Variants in PLEKHA7 observed in about 807,000 individuals in gnomAD.
PLEKHA7 encodes pleckstrin homology domain containing A7, also known as pleckstrin homology domain-containing family A member 7.
A neutral mutation model predicts 170.0 loss-of-function variants in PLEKHA7; 104 were observed. The ratio of observed to expected loss-of-function variants is 0.61; its 90% CI spans 0.52 to 0.72. The LOEUF (loss-of-function observed/expected upper bound fraction) is 0.72. Among genes scored for constraint, PLEKHA7 ranks in the 30% least tolerant of loss-of-function variants. The probability of loss-of-function intolerance (pLI) is 0.00; values close to 1 mark genes in which losing one functional copy is unlikely to be tolerated. For missense variants in PLEKHA7, 1,615 were observed against 1,671.7 expected (o/e 0.97, Z 0.59); for synonymous variants, 648 against 660.8 (o/e 0.98, Z 0.30).
intron 13 of PLEKHA7, chr11:16,803,505 G>A (rs1250140825): frequency 1.8e-6 from 1 of 561,826 alleles, no homozygotes; most frequent in Non-Finnish European, 3.2e-6. Flanking sequence ...GATGATTCTA[G>A]TAATGCTGGT....
At chr11:17,002,930 T>A (rs1470982235) in intron 3 of PLEKHA7, among the ~76,000 whole-genome samples, 3 of 147,968 alleles carry the variant, frequency 2.0e-5, no homozygotes, top group Non-Finnish European at 3.0e-5. Flanking sequence ...TAAGAGCAAA[T>A]AACCTCAGTG....
At chr11:16,856,433 T>C (rs1159070686) in intron 4 of PLEKHA7, among the ~76,000 whole-genome samples, 3 of 152,152 alleles carry the variant, frequency 2.0e-5, no homozygotes, top group African/African-American at 4.8e-5. Flanking sequence ...TCTCCCAAAA[T>C]AGACTACTCA....
At chr11:16,923,236 A>C (rs952837292) in intron 3 of PLEKHA7, among the ~76,000 whole-genome samples, 4 of 152,212 alleles carry the variant, frequency 2.6e-5, no homozygotes, top group African/African-American at 9.6e-5. Flanking sequence ...GAGACGTTAG[A>C]CGGCTGGCTT....
At chr11:16,788,095 G>A (rs1590117452) in intron 23 of PLEKHA7, 1 of 152,504 alleles carries the variant, frequency 6.6e-6, no homozygotes, top group Non-Finnish European at 1.5e-5. Flanking sequence ...CTGTCCAGGT[G>A]TAAAGCATGG....
intron 3 of PLEKHA7, among the ~76,000 whole-genome samples, chr11:16,988,787 C>T (rs1258692050): frequency 1.3e-5 from 2 of 152,218 alleles, no homozygotes; most frequent in African/African-American, 4.8e-5. Context: ...GAACTCACTA[C>T]ATCCCAAATA....
chr11:17,008,740 G>A lies in PLEKHA7; in HGVS notation c.221+5249C>T, dbSNP rs1468694259. Among the ~76,000 whole-genome samples, 6 of 152,254 alleles carry A rather than the reference G, an allele frequency of 3.9e-5. No individual in the cohort carries two copies. In the East Asian group the frequency reaches 1.2e-3, roughly 29 times the overall value. On this transcript the variant is annotated intron_variant, in intron 3 of 26. Transcript: ENST00000531066. The stretch of plus-strand genomic sequence containing the variant: ...GCCTTGGCACAGGCAAGGTGGCTGA[G>A]CCCCTCTTCTCTGCCATCTCCTCAT...
At chr11:16,865,599 A>C (rs1293323322) in intron 4 of PLEKHA7, among the ~76,000 whole-genome samples, 1 of 27,662 alleles carries the variant, frequency 3.6e-5, no homozygotes, top group African/African-American at 6.1e-5. Flanking sequence ...TGGTGGGCTG[A>C]GGCAGGAGAA....
intron 3 of PLEKHA7, among the ~76,000 whole-genome samples, chr11:16,882,872 A>T (rs1855811601): frequency 2.2e-5 from 1 of 45,996 alleles, no homozygotes; most frequent in South Asian, 4.2e-4. Flanking sequence ...ACACACACAC[A>T]TACACACACA....
At chr11:16,819,657 A>G (rs1048377714) in intron 10 of PLEKHA7, among the ~76,000 whole-genome samples, 2 of 152,204 alleles carry the variant, frequency 1.3e-5, no homozygotes, top group African/African-American at 4.8e-5. Context: ...CCACCTGGGG[A>G]CTTGTTAGAA....
intron 3 of PLEKHA7, among the ~76,000 whole-genome samples, chr11:16,995,507 C>T (rs1864287199): frequency 6.6e-6 from 1 of 152,190 alleles, no homozygotes; most frequent in African/African-American, 2.4e-5. Context: ...CCCTGAACTG[C>T]TCCCTCCTGA....
In PLEKHA7 at chr11:16,869,900, T is replaced by C. The variant is rs1854691701; in HGVS notation, c.305+1199A>G. 2.6e-5 allele frequency among the ~76,000 whole-genome samples: 4 copies of C among 152,206 alleles called. No individual in the cohort carries two copies. The South Asian group carries it at 8.3e-4, about 31-fold the overall frequency. On this transcript the variant is annotated intron_variant, in intron 4 of 26. Coordinates refer to ENST00000531066, the MANE Select transcript of PLEKHA7 (RefSeq NM_001329630.2). ...TGTAACTAAACAGAGGAAAAATGAT[T>C]TGAAGAAGAAAAAAACCTTTAAAGC...
intron 3 of PLEKHA7, among the ~76,000 whole-genome samples, chr11:16,961,881 C>T (rs1862082327): frequency 6.6e-6 from 1 of 152,184 alleles, no homozygotes. Flanking sequence ...TACCACCTGC[C>T]TCATTGGCTG....
intron 3 of PLEKHA7, among the ~76,000 whole-genome samples, chr11:16,955,268 T>A (rs534061416): frequency 8.5e-4 from 130 of 152,340 alleles, no homozygotes; most frequent in African/African-American, 2.3e-3. Context: ...CCCATCAACA[T>A]GGCAACTTCC....
chr11:16,866,599 C>T lies in PLEKHA7; in HGVS notation c.305+4500G>A, dbSNP rs532834729. ...AAGAATGAAACTCTGTCTCAAAAAACAAAAAAGAGGGCAGAGCAGAGTCCA... is the reference window on the plus strand; with the variant it reads ...AAGAATGAAACTCTGTCTCAAAAAATAAAAAAGAGGGCAGAGCAGAGTCCA... On this transcript the variant is annotated intron_variant, in intron 4 of 26. Coordinates refer to ENST00000531066, the MANE Select transcript of PLEKHA7 (RefSeq NM_001329630.2). Among the ~76,000 whole-genome samples the T allele has an allele frequency of 7.9e-5, 12 of 151,954 alleles. 1 individual carries two copies. The South Asian group carries it at 2.3e-3, about 29-fold the overall frequency.
In PLEKHA7 at chr11:16,791,174, G is replaced by A. The variant is rs1847825611; in HGVS notation, c.2771C>T (p.Pro924Leu). ...CTCTGGGCTGTAGAGTTCGGGGAGT[G>A]GGGGCCTGGGAGGTGCTTCATCTTC... ...KVEDEAPPRP[P>L]LPELYSPEDQ... Residue 924 changes from proline (P) to leucine (L), a missense_variant, in exon 20 of 27, where the codon CCA (proline) becomes CTA (leucine). Pro to Leu is a moderately conservative substitution (Grantham distance 98, BLOSUM62 -3). Transcript: ENST00000531066. The surrounding 1 kb of genome is among the most constrained non-coding windows in gnomAD (Gnocchi z 4.5). 6.2e-7 allele frequency: 1 copy of A among 1,605,158 alleles called. No homozygotes were observed. Among genetic ancestry groups the A allele is most frequent in the Non-Finnish European group, 8.5e-7 (1 of 1,174,600 alleles).
At chr11:16,994,904 C>T (rs1017332830) in intron 3 of PLEKHA7, among the ~76,000 whole-genome samples, 2 of 152,130 alleles carry the variant, frequency 1.3e-5, no homozygotes, top group African/African-American at 4.8e-5. Context: ...AGCACAGGCT[C>T]CTGGGCTCCT....
intron 3 of PLEKHA7, among the ~76,000 whole-genome samples, chr11:16,962,902 C>T (rs76508724): frequency 0.016 from 2,365 of 152,312 alleles, 43 homozygotes; most frequent in Middle Eastern, 0.041. Flanking sequence ...GGCCTGGCTA[C>T]TGGTGCCTTG....
chr11:16,811,984 C>A (rs1447185890), intron 13 of PLEKHA7, among the ~76,000 whole-genome samples: 1 of 152,214 alleles, frequency 6.6e-6, no homozygotes, highest in Non-Finnish European at 1.5e-5. Flanking sequence ...CACAGAGATT[C>A]TCACCATCTC....
At chr11:16,994,421 T>C (rs954479623) in intron 3 of PLEKHA7, among the ~76,000 whole-genome samples, 2 of 152,152 alleles carry the variant, frequency 1.3e-5, no homozygotes, top group African/African-American at 4.8e-5. Flanking sequence ...GGGGGCCACC[T>C]GCTTTCTCCT....
Sources: allele counts gnomAD v4.1 joint callset (sites outside exome capture counted in the v4.1 genomes callset), GRCh38; gene constraint gnomAD v4.1.1; non-coding constraint Gnocchi (gnomAD v3.1); transcripts MANE v1.5; gene names NCBI Gene and HGNC (gene_info 2026-07-23, HGNC 2026-07-21).